The following TMTC1 variants were observed in gnomAD, a reference collection of about 807,000 sequenced individuals.
TMTC1 encodes transmembrane O-mannosyltransferase targeting cadherins 1.
TMTC1 carries 73 observed loss-of-function variants against 104.8 expected under a neutral mutation model. The ratio of observed to expected loss-of-function variants is 0.70; its 90% CI spans 0.58 to 0.85. The LOEUF (loss-of-function observed/expected upper bound fraction) is 0.85. Ranked by LOEUF, TMTC1 falls within the 40% of genes least tolerant of loss-of-function variation. The probability of loss-of-function intolerance (pLI) is 0.00; values close to 1 mark genes in which losing one functional copy is unlikely to be tolerated. For synonymous variants in TMTC1, 434 were observed against 428.7 expected, an observed-to-expected ratio of 1.01 and a Z score of -0.15; for missense variants, 1,035 against 1,096.1, an observed-to-expected ratio of 0.94 and a Z score of 0.79.
intron 14 of TMTC1, among the ~76,000 whole-genome samples, chr12:29,517,153 ATG>A: frequency 6.6e-6 from 1 of 152,340 alleles, no homozygotes; most frequent in East Asian, 1.9e-4. Context: ...ATGAATCAAA[ATG>A]TTACAAATCA....
intron 16 of TMTC1, among the ~76,000 whole-genome samples, chr12:29,513,094 A>T (rs1764169897): frequency 6.6e-6 from 1 of 152,196 alleles, no homozygotes; most frequent in Non-Finnish European, 1.5e-5. Context: ...ATCAGTGAAG[A>T]TGGGAATGTA....
At position 29,768,004 on chromosome 12, in the gene TMTC1, A is replaced by G; in HGVS notation, c.374T>C (p.Val125Ala). The G allele has an allele frequency of 6.2e-7, 1 of 1,613,904 alleles. No homozygotes were observed. The highest frequency in any genetic ancestry group is 8.5e-7 in the Non-Finnish European group (1 of 1,179,880). The change falls in exon 2 of 18, where the codon GTG becomes GCG. Residue 125 changes from valine (V) to alanine (A), a missense_variant. Coordinates refer to ENST00000539277, the MANE Select transcript of TMTC1 (RefSeq NM_001193451.2). ...ACAGGTGTACATCAGCACAAGAGTCACTAAGCAGTGTAAAATTATATTTAC... is the reference window on the plus strand; with the variant it reads ...ACAGGTGTACATCAGCACAAGAGTCGCTAAGCAGTGTAAAATTATATTTAC... The part of the protein sequence containing the change: ...HAVNIILHCL[V>A]TLVLMYTCDK...
In TMTC1 at chr12:29,652,420, G is replaced by A. The variant is rs553096902; in HGVS notation, c.939-19084C>T. ...ATTCTCATGACAGAGCAGAGTTACC[G>A]CCTCTATACCAGGGTGCATAAAAGC... On this transcript the variant is annotated intron_variant, in intron 5 of 17. Transcript: ENST00000539277. 5.3e-5 allele frequency among the ~76,000 whole-genome samples: 8 copies of A among 152,290 alleles called. No homozygotes were observed. The South Asian group carries it at 1.0e-3, about 20-fold the overall frequency.
intron 5 of TMTC1, among the ~76,000 whole-genome samples, chr12:29,746,625 C>CA (rs2136958402): frequency 6.6e-6 from 1 of 152,294 alleles, no homozygotes; most frequent in African/African-American, 2.4e-5. Flanking sequence ...AGATCAGCTA[C>CA]CCATTTTATC....
At chr12:29,747,996 C>G (rs1003077654) in intron 5 of TMTC1, among the ~76,000 whole-genome samples, 5 of 152,154 alleles carry the variant, frequency 3.3e-5, no homozygotes, top group African/African-American at 1.2e-4. Flanking sequence ...ACCTGATCAC[C>G]TTCTGACAAA....
intron 5 of TMTC1, among the ~76,000 whole-genome samples, chr12:29,717,537 T>C (rs1942118828): frequency 1.3e-5 from 2 of 152,260 alleles, no homozygotes; most frequent in Non-Finnish European, 2.9e-5. Flanking sequence ...GATCAGGTTT[T>C]ATTAATGCAC....
intron 7 of TMTC1, among the ~76,000 whole-genome samples, chr12:29,587,904 T>C (rs1394159966): frequency 4.6e-5 from 7 of 152,210 alleles, no homozygotes; most frequent in African/African-American, 1.7e-4. Context: ...CTAAATATTC[T>C]CATTCCTAAA....
intron 5 of TMTC1, among the ~76,000 whole-genome samples, chr12:29,711,661 G>C (rs957141694): frequency 2.6e-5 from 4 of 152,138 alleles, no homozygotes; most frequent in Non-Finnish European, 5.9e-5. Flanking sequence ...TTAAAAAGCT[G>C]CTGAAATTCC....
rs1378090748 is a variant in TMTC1 at position 29,503,788 on chromosome 12, T to C, written c.*3058A>G. Reference sequence around the variant, plus strand: ...GGACCTCTTGCTCAAAAATTATTAATTATTAAGAATTTCAGTTGGACATGG... The same window carrying C: ...GGACCTCTTGCTCAAAAATTATTAACTATTAAGAATTTCAGTTGGACATGG... On this transcript the variant is annotated 3_prime_UTR_variant, in exon 18 of 18. Transcript: ENST00000539277. 6.6e-6 allele frequency: 1 copy of C among 152,136 alleles called. No individual in the cohort carries two copies. The highest frequency in any genetic ancestry group is 1.5e-5 in the Non-Finnish European group (1 of 68,030). 9.4% of individuals were successfully genotyped at this position (152,136 alleles called of 1,614,324 possible).
At chr12:29,541,164 T>C (rs1944786337) in intron 10 of TMTC1, among the ~76,000 whole-genome samples, 1 of 152,176 alleles carries the variant, frequency 6.6e-6, no homozygotes. Context: ...TTAAGTATTA[T>C]AGACGTGATC....
chr12:29,597,242 C>CTTTTT (rs36063501), intron 7 of TMTC1, among the ~76,000 whole-genome samples: 22 of 124,138 alleles, frequency 1.8e-4, no homozygotes, highest in African/African-American at 4.7e-4. Flanking sequence ...TCTTTTCTTT[C>CTTTTT]TTTTTTTTTT....
rs111741738 is a variant in TMTC1, at chr12:29,516,615, G to A, written c.2170-129C>T. The A allele has an allele frequency of 2.8e-5, 32 of 1,136,808 alleles. No homozygotes were observed. In the African/African-American group the frequency reaches 3.9e-4, roughly 14 times the overall value. 70.4% of individuals were successfully genotyped at this position (1,136,808 alleles called of 1,614,324 possible). ...CAGCATCAATTTAGTGACTCATAGA[G>A]AAGGCTGAATCACCAGTTTTCAGGT... On this transcript the variant is annotated intron_variant, in intron 14 of 17. Transcript: ENST00000539277.
At chr12:29,524,244 T>C (rs1565644671) in intron 11 of TMTC1, among the ~76,000 whole-genome samples, 1 of 152,204 alleles carries the variant, frequency 6.6e-6, no homozygotes, top group African/African-American at 2.4e-5. Context: ...GTATGCTCCT[T>C]AGTCAGCATC....
chr12:29,748,888 G>GTACA (rs1352282696), intron 5 of TMTC1, among the ~76,000 whole-genome samples: 1 of 152,180 alleles, frequency 6.6e-6, no homozygotes, highest in Non-Finnish European at 1.5e-5. Flanking sequence ...AAACAAGGTA[G>GTACA]TACATATTCA....
At position 29,783,521 on chromosome 12, in the gene TMTC1, G is replaced by A; in HGVS notation, c.231C>T (p.Asp77=). 1.4e-6 allele frequency: 2 copies of A among 1,450,562 alleles called. No homozygotes were observed. The highest frequency in any genetic ancestry group is 2.9e-5 in the East Asian group (1 of 34,656). The allele number at this position is 1,450,562 out of a possible 1,614,324, so 89.9% of individuals were successfully genotyped here. A position where few individuals can be genotyped will look rare whatever the true frequency, so the allele number is the denominator to read the frequency against. The stretch of plus-strand genomic sequence containing the variant: ...TCTCGGCCATGCCCTTGCCCCAGAA[G>A]TCGTTGGTGAAGATGCCCCAGCGGA... The part of the protein sequence containing the change: ...APLRWGIFTN[D]FWGKGMAENT... Residue 77 remains aspartate, a synonymous_variant, in exon 1 of 18, where the codon GAC becomes GAT. Transcript: ENST00000539277. This position sits in a 1 kb window ranked among gnomAD's most constrained non-coding sequence, Gnocchi z 4.7.
chr12:29,655,249 C>T (rs1485587358), intron 5 of TMTC1, among the ~76,000 whole-genome samples: 1 of 152,050 alleles, frequency 6.6e-6, no homozygotes, highest in Non-Finnish European at 1.5e-5. Flanking sequence ...AGACCAGTGG[C>T]TGGTGGTCTA....
intron 10 of TMTC1, among the ~76,000 whole-genome samples, chr12:29,537,367 T>C (rs958422780): frequency 1.3e-5 from 2 of 152,216 alleles, no homozygotes; most frequent in African/African-American, 4.8e-5. Context: ...CAATCACATA[T>C]GGTAGATATT....
intron 5 of TMTC1, among the ~76,000 whole-genome samples, chr12:29,646,921 G>A (rs1939291442): frequency 6.6e-6 from 1 of 152,142 alleles, no homozygotes; most frequent in African/African-American, 2.4e-5. Context: ...AGATGAATCA[G>A]AGAATCTTTA....
At chr12:29,661,039 C>G (rs76327711) in intron 5 of TMTC1, among the ~76,000 whole-genome samples, 10 of 151,986 alleles carry the variant, frequency 6.6e-5, no homozygotes, top group Admixed American at 2.0e-4. Context: ...TTTCCGTTCC[C>G]AGTTCTGCTG....
Sources: allele counts gnomAD v4.1 joint callset (sites outside exome capture counted in the v4.1 genomes callset), GRCh38; gene constraint gnomAD v4.1.1; non-coding constraint Gnocchi (gnomAD v3.1); transcripts MANE v1.5; gene names NCBI Gene and HGNC (gene_info 2026-07-23, HGNC 2026-07-21).